The following MDGA2 variants were observed in gnomAD, a reference collection of about 807,000 sequenced individuals.
MDGA2 encodes MAM domain-containing glycosylphosphatidylinositol anchor protein 2.
A neutral mutation model predicts 117.8 loss-of-function variants in MDGA2; 40 were observed. The ratio of observed to expected loss-of-function variants is 0.34; its 90% CI spans 0.26 to 0.44. MDGA2 has a LOEUF of 0.44. Among genes scored for constraint, MDGA2 ranks in the 20% least tolerant of loss-of-function variants. MDGA2 has a pLI of 1.00. For synonymous variants in MDGA2, 452 were observed against 439.0 expected (o/e 1.03, Z -0.37); for missense variants, 1,123 against 1,250.6 (o/e 0.90, Z 1.54).
intron 1 of MDGA2, among the ~76,000 whole-genome samples, chr14:47,510,850 A>C (rs1457197972): frequency 1.3e-5 from 2 of 152,168 alleles, no homozygotes; most frequent in African/African-American, 4.8e-5. Context: ...GAGACTTTGC[A>C]GTTGTCATTT....
At chr14:46,938,204 A>T (rs1236177999) in intron 9 of MDGA2, among the ~76,000 whole-genome samples, 2 of 152,078 alleles carry the variant, frequency 1.3e-5, no homozygotes, top group Non-Finnish European at 2.9e-5. Flanking sequence ...AAAATGCTCA[A>T]CATCACTAAT....
chr14:47,534,422 G>A (rs373939097), intron 1 of MDGA2, among the ~76,000 whole-genome samples: 1 of 152,174 alleles, frequency 6.6e-6, no homozygotes. Context: ...AAGAAAAGAG[G>A]TTTAATTGAC....
At chr14:47,345,298 C>G (rs1475544343) in intron 1 of MDGA2, among the ~76,000 whole-genome samples, 1 of 151,962 alleles carries the variant, frequency 6.6e-6, no homozygotes, top group Non-Finnish European at 1.5e-5. Context: ...TCAGCCTGTC[C>G]CCTTTATAAT....
chr14:46,900,319 GA>G (rs1168021443), intron 10 of MDGA2, among the ~76,000 whole-genome samples: 1 of 152,106 alleles, frequency 6.6e-6, no homozygotes, highest in East Asian at 1.9e-4. Flanking sequence ...TAAAACTAAA[GA>G]TGGACTTACT....
At chr14:47,368,065 A>G (rs939727538) in intron 1 of MDGA2, among the ~76,000 whole-genome samples, 1 of 152,042 alleles carries the variant, frequency 6.6e-6, no homozygotes, top group Non-Finnish European at 1.5e-5. Context: ...GGATCTCCTG[A>G]GGTCAGGAGT....
intron 9 of MDGA2, among the ~76,000 whole-genome samples, chr14:46,924,411 A>G (rs1884248547): frequency 6.6e-6 from 1 of 152,108 alleles, no homozygotes; most frequent in Admixed American, 6.6e-5. Flanking sequence ...AGATTTTGAA[A>G]TAAAAACAAA....
chr14:47,501,488 T>A (rs534083546), intron 1 of MDGA2, among the ~76,000 whole-genome samples: 3 of 152,296 alleles, frequency 2.0e-5, no homozygotes, highest in South Asian at 4.1e-4. Flanking sequence ...TAATGTTTAT[T>A]ATGAGTTGAA....
rs144837303 is a variant in MDGA2 at position 47,556,441 on chromosome 14, T to A, written c.280+118076A>T. On this transcript the variant is annotated intron_variant, in intron 1 of 16. Coordinates refer to ENST00000399232, the MANE Select transcript of MDGA2 (RefSeq NM_001113498.3). The stretch of plus-strand genomic sequence containing the variant: ...ATCTTCTCAGAAATTCATCTGCACT[T>A]GTTAGAATTCTATGTATTTTCCAAG... 7.2e-5 allele frequency among the ~76,000 whole-genome samples: 11 copies of A among 152,330 alleles called. No individual in the cohort carries two copies. The East Asian group carries it at 2.1e-3, about 29-fold the overall frequency.
chr14:47,336,348 G>A (rs755411387), intron 1 of MDGA2, among the ~76,000 whole-genome samples: 21 of 151,946 alleles, frequency 1.4e-4, no homozygotes, highest in Admixed American at 5.9e-4. Context: ...GCCCCAGCAA[G>A]TACCCAGCCA....
At chr14:47,108,527 C>T (rs1162298650) in intron 5 of MDGA2, among the ~76,000 whole-genome samples, 1 of 149,158 alleles carries the variant, frequency 6.7e-6, no homozygotes, top group Admixed American at 6.8e-5. Context: ...CCTGGCTCAT[C>T]CTGGCTCAAA....
chr14:47,488,802 T>G (rs1894111063), intron 1 of MDGA2, among the ~76,000 whole-genome samples: 1 of 152,020 alleles, frequency 6.6e-6, no homozygotes, highest in Non-Finnish European at 1.5e-5. Flanking sequence ...CAACAGAGGT[T>G]CACTAGAAAA....
chr14:47,177,167 A>C (rs1024248164), intron 3 of MDGA2, among the ~76,000 whole-genome samples: 16 of 152,302 alleles, frequency 1.1e-4, no homozygotes, highest in African/African-American at 3.8e-4. Flanking sequence ...GCTAGAGAGG[A>C]TGTGGAGAAA....
intron 8 of MDGA2, among the ~76,000 whole-genome samples, chr14:46,978,717 T>C (rs1573003): frequency 0.57 from 87,086 of 151,822 alleles, 25,756 homozygotes; most frequent in Non-Finnish European, 0.63. Context: ...TTTAGACACA[T>C]TGAGAAAATA....
intron 1 of MDGA2, among the ~76,000 whole-genome samples, chr14:47,412,377 G>T (rs912908580): frequency 6.6e-6 from 1 of 152,032 alleles, no homozygotes; most frequent in Admixed American, 6.6e-5. Context: ...CTTCTCCTGG[G>T]CTCAAGCAAT....
intron 7 of MDGA2, among the ~76,000 whole-genome samples, chr14:47,047,318 TTTC>T (rs777002574): frequency 1.1e-3 from 171 of 152,280 alleles, no homozygotes; most frequent in Non-Finnish European, 2.0e-3. Flanking sequence ...GGCAAAGGGA[TTTC>T]TTAATTTTAG....
intron 5 of MDGA2, among the ~76,000 whole-genome samples, chr14:47,111,105 C>A (rs1881012997): frequency 6.6e-6 from 1 of 152,116 alleles, no homozygotes; most frequent in South Asian, 2.1e-4. Flanking sequence ...TAGACATTCT[C>A]CAAAAGCTTT....
intron 1 of MDGA2, among the ~76,000 whole-genome samples, chr14:47,442,734 C>T (rs555921874): frequency 1.4e-3 from 220 of 152,180 alleles, no homozygotes; most frequent in Non-Finnish European, 2.5e-3. Context: ...TCTGTGTATT[C>T]GAGCCCCCGC....
At chr14:47,609,039 T>A (rs1321924380) in intron 1 of MDGA2, among the ~76,000 whole-genome samples, 1 of 151,894 alleles carries the variant, frequency 6.6e-6, no homozygotes, top group Non-Finnish European at 1.5e-5. Flanking sequence ...AAATCAGGCA[T>A]TCAGTTCTTT....
At position 47,306,842 on chromosome 14, in the gene MDGA2, G is replaced by GGAGAGAGAGAGAGAGA. The variant is rs10629208; in HGVS notation, c.281-5308_281-5293dup. Among the ~76,000 whole-genome samples, 121 of 146,698 alleles carry GGAGAGAGAGAGAGAGA rather than the reference G, an allele frequency of 8.2e-4. 1 individual carries two copies. Among genetic ancestry groups the GGAGAGAGAGAGAGAGA allele is most frequent in the East Asian group, 7.6e-3 (36 of 4,710 alleles). Reference sequence around the variant, plus strand: ...TAGAGAGACAGAGAAAGAGAAAGAGGGAGAGAGAGAGAGAGAGAGAGAGAG... The same window carrying GGAGAGAGAGAGAGAGA: ...TAGAGAGACAGAGAAAGAGAAAGAGGGAGAGAGAGAGAGAGAGAGAGAGAGAGAGAGAGAGAGAGAG... On this transcript the variant is annotated intron_variant, in intron 1 of 16. Coordinates refer to ENST00000399232, the MANE Select transcript of MDGA2 (RefSeq NM_001113498.3).
Sources: gnomAD v4.1 joint callset for allele counts (sites outside exome capture counted in the v4.1 genomes callset) on GRCh38, gnomAD v4.1.1 for gene constraint, MANE v1.5 for transcripts, NCBI Gene and HGNC (gene_info 2026-07-23, HGNC 2026-07-21) for gene names.